The following GRM8 variants were observed in gnomAD, a reference collection of about 807,000 sequenced individuals.
GRM8 encodes the protein metabotropic glutamate receptor 8.
In GRM8, 47 loss-of-function variants were observed where a neutral mutation model predicts 87.2. That is an observed-to-expected ratio of 0.54 (90% CI 0.43 to 0.69). The LOEUF is 0.69. GRM8 is among the 30% of genes least tolerant of loss of function. The probability of loss-of-function intolerance (pLI) is 0.00; values close to 1 mark genes in which losing one functional copy is unlikely to be tolerated. For missense variants in GRM8, 1,019 were observed against 1,139.2 expected, an observed-to-expected ratio of 0.89 and a Z score of 1.52; for synonymous variants, 396 against 404.5, an observed-to-expected ratio of 0.98 and a Z score of 0.25.
At chr7:126,859,075 C>T (rs1797931552) in intron 6 of GRM8, among the ~76,000 whole-genome samples, 1 of 151,956 alleles carries the variant, frequency 6.6e-6, no homozygotes, top group Non-Finnish European at 1.5e-5. Context: ...TGGTTTCCAT[C>T]AGGGCACATA....
intron 8 of GRM8, among the ~76,000 whole-genome samples, chr7:126,557,119 T>G (rs545432109): frequency 2.6e-5 from 4 of 152,270 alleles, no homozygotes; most frequent in South Asian, 4.1e-4. Context: ...TCCTGTGATA[T>G]TCACTGGAAT....
intron 9 of GRM8, among the ~76,000 whole-genome samples, chr7:126,492,526 A>G (rs1354935258): frequency 1.3e-5 from 2 of 152,088 alleles, no homozygotes; most frequent in African/African-American, 4.8e-5. Flanking sequence ...TGATTGTTAA[A>G]GCTGGCCTCC....
chr7:126,789,984 G>T (rs1027739263), intron 6 of GRM8, among the ~76,000 whole-genome samples: 1 of 151,602 alleles, frequency 6.6e-6, no homozygotes, highest in Non-Finnish European at 1.5e-5. Context: ...TCCAGAACTG[G>T]TCTCTATGTG....
chr7:126,867,349 G>A (rs34172249), intron 6 of GRM8, among the ~76,000 whole-genome samples: 30 of 152,048 alleles, frequency 2.0e-4, no homozygotes, highest in Non-Finnish European at 2.5e-4. Flanking sequence ...CCAAACATTC[G>A]CTGTTGTGAT....
intron 2 of GRM8, among the ~76,000 whole-genome samples, chr7:127,119,690 GA>G (rs1826918680): frequency 1.3e-5 from 2 of 152,178 alleles, no homozygotes; most frequent in Middle Eastern, 3.2e-3. Flanking sequence ...AGGTGTTCAT[GA>G]GCCCAGTTCA....
At chr7:126,914,445 T>C (rs1311625032) in intron 3 of GRM8, among the ~76,000 whole-genome samples, 1 of 152,162 alleles carries the variant, frequency 6.6e-6, no homozygotes, top group Non-Finnish European at 1.5e-5. Flanking sequence ...AAAGAAATTC[T>C]TCTACCAAAA....
chr7:126,467,923 C>T (rs939510672), intron 9 of GRM8, among the ~76,000 whole-genome samples: 50 of 151,942 alleles, frequency 3.3e-4, no homozygotes, highest in Admixed American at 2.4e-3. Context: ...GGAAATTGGT[C>T]TCATGGAAAA....
In GRM8 at chr7:127,183,301, A is replaced by C. The variant is rs17869613; in HGVS notation, c.510+59394T>G. The stretch of plus-strand genomic sequence containing the variant: ...AACCAAGATAGAACATTATGGATCA[A>C]AAAACACATTAACAAATTTAAAAGA... On this transcript the variant is annotated intron_variant, in intron 2 of 10. Transcript: ENST00000339582. Among the ~76,000 whole-genome samples the C allele has an allele frequency of 3.1e-3, 472 of 152,072 alleles. 7 individuals carry two copies. The East Asian group carries it at 0.056, about 18-fold the overall frequency.
At chr7:127,237,675 G>C (rs1798054089) in intron 2 of GRM8, among the ~76,000 whole-genome samples, 1 of 152,150 alleles carries the variant, frequency 6.6e-6, no homozygotes. Context: ...AGTCTCATTT[G>C]ATTGCTTTGG....
chr7:126,610,048 C>A (rs1318170957), intron 7 of GRM8, among the ~76,000 whole-genome samples: 1 of 152,186 alleles, frequency 6.6e-6, no homozygotes, highest in African/African-American at 2.4e-5. Context: ...ATGGGTGAGG[C>A]ATTGATCTAT....
chr7:126,617,865 A>G (rs1277342064), intron 7 of GRM8, among the ~76,000 whole-genome samples: 1 of 152,228 alleles, frequency 6.6e-6, no homozygotes, highest in Non-Finnish European at 1.5e-5. Flanking sequence ...CCACTGCTCA[A>G]CAAAATAAAA....
At chr7:126,690,679 G>A (rs77907577) in intron 7 of GRM8, among the ~76,000 whole-genome samples, 3,752 of 152,250 alleles carry the variant, frequency 0.025, 113 homozygotes, top group African/African-American at 0.077. Flanking sequence ...TCCAGTTCTT[G>A]TCCCACATCC....
At chr7:126,971,135 G>A (rs1203823929) in intron 3 of GRM8, among the ~76,000 whole-genome samples, 2 of 135,364 alleles carry the variant, frequency 1.5e-5, no homozygotes, top group East Asian at 2.2e-4. Flanking sequence ...TCAATGTAGG[G>A]TTGCCACAAA....
chr7:126,533,394 T>C lies in GRM8; in HGVS notation c.1988A>G (p.Tyr663Cys), dbSNP rs563784447. Residue 663 changes from tyrosine to cysteine, a missense_variant, in exon 9 of 11, where the codon TAT becomes TGT. By Grantham distance (194) the Tyr-to-Cys change is radical (BLOSUM62 -2). Transcript: ENST00000339582. ...GTTTGTTTTGGTCAGAAGGGCTGCA[T>C]AGCTGAAACACATGCCAAGTCCTAG... ...VFLGLGMCFS[Y>C]AALLTKTNRI... 24 of 1,613,984 alleles carry C rather than the reference T, an allele frequency of 1.5e-5. 1 individual carries two copies. In the South Asian group the frequency reaches 2.4e-4, roughly 16 times the overall value.
intron 2 of GRM8, among the ~76,000 whole-genome samples, chr7:127,227,915 C>G (rs1355050185): frequency 6.6e-6 from 1 of 152,210 alleles, no homozygotes; most frequent in Non-Finnish European, 1.5e-5. Flanking sequence ...GCCAGCCCAT[C>G]TGCCATTCTA....
Position 126,533,281 on chromosome 7 carries a change from T to C in GRM8, c.2101A>G (p.Ser701Gly). 6.2e-7 allele frequency: 1 copy of C among 1,613,694 alleles called. No individual in the cohort carries two copies. The highest frequency in any genetic ancestry group is 8.5e-7 in the Non-Finnish European group (1 of 1,179,910). The stretch of plus-strand genomic sequence containing the variant: ...CCAAGGAGCTGGACGGAGATGAGGC[T>C]GAAGGTGATCACCAGCTGAGATGCT... ...SPASQLVITF[S>G]LISVQLLGVF... The change falls in exon 9 of 11, where the codon AGC becomes GGC. Residue 701 changes from serine to glycine, a missense_variant. Ser to Gly is a moderately conservative substitution (Grantham distance 56, BLOSUM62 0). Transcript: ENST00000339582.
chr7:126,700,988 TC>T (rs1284067897), intron 7 of GRM8, among the ~76,000 whole-genome samples: 12 of 152,186 alleles, frequency 7.9e-5, no homozygotes, highest in Non-Finnish European at 1.8e-4. Context: ...TCCCTCCCTC[TC>T]CCCTTCTCTT....
intron 9 of GRM8, chr7:126,512,571 G>GC (rs905346414): frequency 2.0e-5 from 3 of 152,142 alleles, no homozygotes; most frequent in African/African-American, 7.2e-5. Context: ...TCTGCCTGAT[G>GC]CCCCCAGCTT....
intron 10 of GRM8, among the ~76,000 whole-genome samples, chr7:126,439,587 T>A (rs1392451505): frequency 6.6e-6 from 1 of 152,314 alleles, no homozygotes; most frequent in East Asian, 1.9e-4. Context: ...CTGGTTTAAA[T>A]ATTTACTACA....
Sources: gnomAD v4.1 joint callset for allele counts (sites outside exome capture counted in the v4.1 genomes callset) on GRCh38, gnomAD v4.1.1 for gene constraint, MANE v1.5 for transcripts, NCBI Gene and HGNC (gene_info 2026-07-23, HGNC 2026-07-21) for gene names.